EIF4G3: variants seen among roughly 807,000 people sequenced by gnomAD.
The protein encoded by EIF4G3 is eIF-4-gamma 3.
In EIF4G3, 34 loss-of-function variants were observed where a neutral mutation model predicts 186.4. That is an observed-to-expected ratio of 0.18 (90% CI 0.14 to 0.24). EIF4G3 has a LOEUF of 0.24. EIF4G3 is among the 10% of genes least tolerant of loss of function. The pLI is 1.00. For synonymous variants in EIF4G3, 673 were observed against 679.5 expected, an observed-to-expected ratio of 0.99 and a Z score of 0.15; for missense variants, 1,536 against 1,948.5, an observed-to-expected ratio of 0.79 and a Z score of 3.99.
chr1:20,836,326 T>C (rs1168873719), intron 30 of EIF4G3, among the ~76,000 whole-genome samples: 1 of 152,180 alleles, frequency 6.6e-6, no homozygotes, highest in East Asian at 1.9e-4. Flanking sequence ...TCACTACAGC[T>C]TGAACTCCCG....
Position 20,810,444 on chromosome 1 carries a change from G to A in EIF4G3, c.4744+294C>T, listed in dbSNP as rs569131471. On this transcript the variant is annotated intron_variant, in intron 36 of 36. Coordinates refer to ENST00000602326, the MANE Select transcript of EIF4G3 (RefSeq NM_001391906.1). This position sits in a 1 kb window ranked among gnomAD's most constrained non-coding sequence, Gnocchi z 4.1. ...GCTGGGATTACAGGTGTGAGCCACC[G>A]TGCTCAGCCATTTCTGTATTTTTAG... is the stretch of plus-strand genomic sequence containing the variant. Among the ~76,000 whole-genome samples, 11 of 152,152 alleles carry A rather than the reference G, an allele frequency of 7.2e-5. No homozygotes were observed. Among genetic ancestry groups the A allele is most frequent in the South Asian group, 6.2e-4 (3 of 4,812 alleles).
intron 14 of EIF4G3, among the ~76,000 whole-genome samples, chr1:20,922,175 C>A (rs992956347): frequency 6.6e-6 from 1 of 152,188 alleles, no homozygotes; most frequent in African/African-American, 2.4e-5. Flanking sequence ...TATCTTGTTT[C>A]AAACATCAAT....
At chr1:20,813,451 C>T (rs946704411) in intron 34 of EIF4G3, among the ~76,000 whole-genome samples, 15 of 148,750 alleles carry the variant, frequency 1.0e-4, no homozygotes, top group Admixed American at 8.1e-4. Flanking sequence ...TGCCTGTGTT[C>T]CCAGCTACCT....
At chr1:20,839,048 A>C (rs2067629634) in intron 30 of EIF4G3, among the ~76,000 whole-genome samples, 1 of 151,958 alleles carries the variant, frequency 6.6e-6, no homozygotes, top group East Asian at 1.9e-4. Flanking sequence ...GCGCAATTTC[A>C]GCTCACTGCA....
chr1:21,136,360 C>A (rs1558132210), intron 2 of EIF4G3, among the ~76,000 whole-genome samples: 1 of 151,428 alleles, frequency 6.6e-6, no homozygotes, highest in Non-Finnish European at 1.5e-5. Flanking sequence ...CTACTAAAAA[C>A]ACAAAAATTA....
intron 20 of EIF4G3, among the ~76,000 whole-genome samples, chr1:20,877,503 A>G (rs17449966): frequency 0.28 from 42,437 of 152,144 alleles, 7,443 homozygotes; most frequent in Non-Finnish European, 0.39. Context: ...AATAATATGT[A>G]TATATAAAGC....
rs186291545 is a variant in EIF4G3, at chr1:20,859,244, G to A, written c.3244+1141C>T. 1.1e-3 allele frequency among the ~76,000 whole-genome samples: 169 copies of A among 152,166 alleles called. 1 individual carries two copies. Among genetic ancestry groups the A allele is most frequent in the African/African-American group, 4.0e-3 (164 of 41,504 alleles). ...TATGTGAATATCCTCCATGAATTAG[G>A]CTTTGGTATCTTCTCCTTTTCCCTC... is the stretch of plus-strand genomic sequence containing the variant. On this transcript the variant is annotated intron_variant, in intron 24 of 36. Coordinates refer to ENST00000602326, the MANE Select transcript of EIF4G3 (RefSeq NM_001391906.1).
chr1:21,148,633 C>T (rs1361698050), intron 2 of EIF4G3, among the ~76,000 whole-genome samples: 2 of 146,980 alleles, frequency 1.4e-5, no homozygotes, highest in Non-Finnish European at 3.0e-5. Flanking sequence ...ACCCAGGAGG[C>T]GGAGCTTGCA....
intron 14 of EIF4G3, among the ~76,000 whole-genome samples, chr1:20,933,789 G>A (rs1208681620): frequency 6.6e-6 from 1 of 152,210 alleles, no homozygotes; most frequent in Non-Finnish European, 1.5e-5. Context: ...TATAACCTGA[G>A]ATGAAAGAAT....
chr1:20,964,874 C>T (rs1417560838), intron 12 of EIF4G3, among the ~76,000 whole-genome samples: 2 of 152,118 alleles, frequency 1.3e-5, no homozygotes, highest in East Asian at 3.9e-4. Flanking sequence ...TTCAAACTAG[C>T]AAATCCATAA....
At chr1:20,951,680 T>TTGTA (rs2096226108) in intron 12 of EIF4G3, among the ~76,000 whole-genome samples, 1 of 152,024 alleles carries the variant, frequency 6.6e-6, no homozygotes, top group Non-Finnish European at 1.5e-5. Context: ...GATTTGTAAA[T>TTGTA]TGTATCATTT....
chr1:20,904,784 G>T, intron 15 of EIF4G3, 99 bp downstream of exon 15: 1 of 767,300 alleles, frequency 1.3e-6, no homozygotes, highest in Non-Finnish European at 2.0e-6. Flanking sequence ...GATATATTAA[G>T]TTTTGCTTGG....
chr1:20,892,568 ATAT>A (rs1209422704), intron 18 of EIF4G3: 246 of 1,246,562 alleles, frequency 2.0e-4, no homozygotes, highest in Middle Eastern at 3.7e-4. Flanking sequence ...GTAACAGAAA[ATAT>A]TATAACACCA....
intron 25 of EIF4G3, among the ~76,000 whole-genome samples, chr1:20,856,231 T>C (rs900551039): frequency 1.3e-5 from 2 of 152,218 alleles, no homozygotes; most frequent in African/African-American, 4.8e-5. Flanking sequence ...AAGCAAAGCT[T>C]TGACAAAACT....
At chr1:21,008,336 C>A (rs543012976) in intron 4 of EIF4G3, among the ~76,000 whole-genome samples, 1 of 149,604 alleles carries the variant, frequency 6.7e-6, no homozygotes, top group African/African-American at 2.5e-5. Context: ...TTATTTTAAT[C>A]TTTTTTTTTT....
intron 13 of EIF4G3, among the ~76,000 whole-genome samples, chr1:20,948,178 T>G (rs10799673): frequency 0.4 from 60,706 of 152,032 alleles, 12,773 homozygotes; most frequent in Middle Eastern, 0.52. Flanking sequence ...TGCAATGAAG[T>G]TTTGAAGGGA....
At chr1:21,140,990 A>G (rs2097327444) in intron 2 of EIF4G3, among the ~76,000 whole-genome samples, 4 of 152,316 alleles carry the variant, frequency 2.6e-5, no homozygotes, top group African/African-American at 9.6e-5. Context: ...CGTAACATAT[A>G]TATTTTTTAA....
At chr1:20,973,963 T>C (rs904586916) in intron 10 of EIF4G3, among the ~76,000 whole-genome samples, 1 of 152,172 alleles carries the variant, frequency 6.6e-6, no homozygotes, top group Non-Finnish European at 1.5e-5. Context: ...ATAGATTTGC[T>C]GATGAATTGG....
chr1:21,092,425 G>T (rs1234534349), intron 2 of EIF4G3, among the ~76,000 whole-genome samples: 1 of 152,080 alleles, frequency 6.6e-6, no homozygotes, highest in Admixed American at 6.6e-5. Flanking sequence ...ATTCATCAGG[G>T]ATATTGGTCT....
Sources: gnomAD v4.1 joint callset for allele counts (sites outside exome capture counted in the v4.1 genomes callset) on GRCh38, gnomAD v4.1.1 for gene constraint, Gnocchi (gnomAD v3.1) non-coding constraint, MANE v1.5 for transcripts, NCBI Gene and HGNC (gene_info 2026-07-23, HGNC 2026-07-21) for gene names.